The following CLEC16A variants were observed in gnomAD, a reference collection of about 807,000 sequenced individuals.
CLEC16A encodes the protein protein CLEC16A.
In CLEC16A, 51 loss-of-function variants were observed where a neutral mutation model predicts 109.5. The ratio of observed to expected loss-of-function variants is 0.47; its 90% CI spans 0.37 to 0.59. The LOEUF is 0.59. CLEC16A is among the 20% of genes least tolerant of loss of function. The pLI, the probability that CLEC16A is intolerant of heterozygous loss-of-function variation, is 0.00. For missense variants in CLEC16A, 1,339 were observed against 1,394.0 expected, an observed-to-expected ratio of 0.96 and a Z score of 0.63; for synonymous variants, 673 against 564.2, an observed-to-expected ratio of 1.19 and a Z score of -2.73.
chr16:10,969,045 T>C (rs910641471), intron 3 of CLEC16A, 116 bp from the exon 4 acceptor site: 1 of 789,562 alleles, frequency 1.3e-6, no homozygotes, highest in African/African-American at 1.8e-5. Flanking sequence ...GTGTGTTTAA[T>C]CCCAGCAACC....
chr16:11,025,722 G>T (rs1345519493), intron 13 of CLEC16A, among the ~76,000 whole-genome samples: 3 of 148,826 alleles, frequency 2.0e-5, no homozygotes, highest in Admixed American at 2.0e-4. Flanking sequence ...CCTATGGCTA[G>T]AGGCATTAGA....
At chr16:11,121,595 G>A (rs532667972) in intron 20 of CLEC16A, among the ~76,000 whole-genome samples, 18 of 151,432 alleles carry the variant, frequency 1.2e-4, no homozygotes, top group African/African-American at 3.9e-4. Context: ...GTTTGCCAAC[G>A]TGGGCCAGAC....
In CLEC16A at chr16:11,042,262, A is replaced by T; in HGVS notation, c.1669A>T (p.Ile557Phe). The T allele has an allele frequency of 6.3e-7, 1 of 1,578,320 alleles. No homozygotes were observed. Among genetic ancestry groups the T allele is most frequent in the Non-Finnish European group, 8.6e-7 (1 of 1,162,212 alleles). ...CCTGGTGTGCTCTGCAGATGGGAAG[A>T]TCCGGCTGGCGACGCTGGAGCTGAG... ...MNNAAQPDGKIRLATLELSCL... is the reference protein window; with the variant it reads ...MNNAAQPDGKFRLATLELSCL... The change falls in exon 15 of 24, where the codon ATC (isoleucine) becomes TTC (phenylalanine). Residue 557 changes from isoleucine (I) to phenylalanine (F), a missense_variant. Physicochemically the swap from Ile to Phe is conservative, Grantham distance 21. Coordinates refer to ENST00000409790, the MANE Select transcript of CLEC16A (RefSeq NM_015226.3).
At chr16:11,010,779 T>C (rs887600135) in intron 11 of CLEC16A, among the ~76,000 whole-genome samples, 1 of 152,198 alleles carries the variant, frequency 6.6e-6, no homozygotes, top group East Asian at 1.9e-4. Flanking sequence ...GTGCCTTCCG[T>C]TGTCACGCCT....
rs1179900526 is a variant in CLEC16A, at chr16:10,971,399, C to T, written c.598+169C>T. The T allele has an allele frequency of 1.3e-5, 5 of 398,170 alleles. No homozygotes were observed. In the East Asian group the frequency reaches 4.8e-4, roughly 38 times the overall value. The allele number at this position is 398,170 out of a possible 1,614,324, so 24.7% of individuals were successfully genotyped here. On this transcript the variant is annotated intron_variant, in intron 5 of 23. Coordinates refer to ENST00000409790, the MANE Select transcript of CLEC16A (RefSeq NM_015226.3). The stretch of plus-strand genomic sequence containing the variant: ...TGGAATCCCCTAGCATTTAGCTGGC[C>T]GCTCATGGAAATCCTTGCCTTCTCC...
chr16:10,979,788 C>A (rs991727151), intron 9 of CLEC16A, among the ~76,000 whole-genome samples: 4 of 152,138 alleles, frequency 2.6e-5, no homozygotes, highest in African/African-American at 9.7e-5. Flanking sequence ...CTTGGTGTAA[C>A]AAACTTCCTG....
intron 22 of CLEC16A, among the ~76,000 whole-genome samples, chr16:11,129,486 C>T (rs2053048659): frequency 6.6e-6 from 1 of 152,188 alleles, no homozygotes; most frequent in African/African-American, 2.4e-5. Flanking sequence ...CTGGAAAACT[C>T]CTCAGTACAC....
intron 11 of CLEC16A, among the ~76,000 whole-genome samples, chr16:11,017,923 G>C (rs927374946): frequency 6.4e-4 from 95 of 147,912 alleles, no homozygotes; most frequent in African/African-American, 2.4e-3. Context: ...ACAGAAAAAA[G>C]ACATTGGGAA....
intron 19 of CLEC16A, among the ~76,000 whole-genome samples, chr16:11,084,298 C>G (rs913453899): frequency 6.6e-6 from 1 of 152,112 alleles, no homozygotes; most frequent in African/African-American, 2.4e-5. Flanking sequence ...CTGTTCATGG[C>G]ATTTCCCACT....
chr16:11,012,722 A>G (rs1315897790), intron 11 of CLEC16A, among the ~76,000 whole-genome samples: 1 of 152,210 alleles, frequency 6.6e-6, no homozygotes, highest in Non-Finnish European at 1.5e-5. Context: ...TCAAGGAATA[A>G]ATGTTTGCAA....
At position 10,991,579 on chromosome 16, in the gene CLEC16A, C is replaced by A. The variant is rs994494486; in HGVS notation, c.1071+8588C>A. 2.0e-5 allele frequency among the ~76,000 whole-genome samples: 3 copies of A among 152,296 alleles called. 1 individual carries two copies. The highest frequency in any genetic ancestry group is 6.8e-3 in the Middle Eastern group (2 of 294). ...GAACAAGTGTCCAAGGGACATGGCACCTATGTGCCATTGGAGGACTCAGGA... is the reference window on the plus strand; with the variant it reads ...GAACAAGTGTCCAAGGGACATGGCAACTATGTGCCATTGGAGGACTCAGGA... On this transcript the variant is annotated intron_variant, in intron 10 of 23. Transcript: ENST00000409790.
At chr16:10,953,757 A>T (rs1038516184) in intron 1 of CLEC16A, among the ~76,000 whole-genome samples, 1 of 152,222 alleles carries the variant, frequency 6.6e-6, no homozygotes, top group African/African-American at 2.4e-5. Flanking sequence ...TACGTGGATC[A>T]CGAGGTCAGG....
intron 22 of CLEC16A, among the ~76,000 whole-genome samples, chr16:11,153,247 G>A (rs923864767): frequency 3.3e-5 from 5 of 152,122 alleles, no homozygotes; most frequent in African/African-American, 7.2e-5. Flanking sequence ...TGACACCAGC[G>A]ATTTACATAG....
chr16:11,012,692 CATG>C (rs958365604), intron 11 of CLEC16A, among the ~76,000 whole-genome samples: 2 of 150,156 alleles, frequency 1.3e-5, no homozygotes, highest in African/African-American at 2.5e-5. Context: ...GAACAGCAGT[CATG>C]GTGGTGGTGG....
chr16:11,146,659 G>A (rs1041867747), intron 22 of CLEC16A, among the ~76,000 whole-genome samples: 12 of 151,006 alleles, frequency 7.9e-5, no homozygotes, highest in African/African-American at 2.7e-4. Flanking sequence ...ATAGATAGAA[G>A]CCTGGATAGA....
chr16:11,175,921 A>G (rs1290123321), intron 23 of CLEC16A, among the ~76,000 whole-genome samples: 1 of 152,256 alleles, frequency 6.6e-6, no homozygotes, highest in Non-Finnish European at 1.5e-5. Flanking sequence ...AAACACTTAC[A>G]TCGAAATTTT....
intron 19 of CLEC16A, among the ~76,000 whole-genome samples, chr16:11,119,820 A>G (rs1179982346): frequency 6.6e-6 from 1 of 152,118 alleles, no homozygotes; most frequent in Non-Finnish European, 1.5e-5. Flanking sequence ...ATTGCATTGA[A>G]TGTGTAGCTC....
intron 1 of CLEC16A, among the ~76,000 whole-genome samples, chr16:10,948,102 C>G (rs1395183269): frequency 6.6e-6 from 1 of 152,074 alleles, no homozygotes; most frequent in Non-Finnish European, 1.5e-5. Context: ...ACCGTGTTAG[C>G]CAGGATGGTC....
At chr16:11,010,529 C>A (rs1288402830) in intron 11 of CLEC16A, among the ~76,000 whole-genome samples, 1 of 152,158 alleles carries the variant, frequency 6.6e-6, no homozygotes, top group Non-Finnish European at 1.5e-5. Context: ...ATACCATTTA[C>A]TTTCCTATTG....
Sources: gnomAD v4.1 joint callset for allele counts (sites outside exome capture counted in the v4.1 genomes callset) on GRCh38, gnomAD v4.1.1 for gene constraint, MANE v1.5 for transcripts, NCBI Gene and HGNC (gene_info 2026-07-23, HGNC 2026-07-21) for gene names.